The following CLMN variants were observed in gnomAD, a reference collection of about 807,000 sequenced individuals.
CLMN encodes the protein calmin (calponin-like, transmembrane).
Under a neutral mutation model 92.7 loss-of-function variants are expected in CLMN, and 57 were observed. The observed-to-expected ratio is 0.61, with a 90% CI of 0.50 to 0.77. CLMN has a LOEUF of 0.77. Among genes scored for constraint, CLMN ranks in the 30% least tolerant of loss-of-function variants. The probability of loss-of-function intolerance (pLI) is 0.00; values close to 1 mark genes in which losing one functional copy is unlikely to be tolerated. For synonymous variants in CLMN, 466 were observed against 470.6 expected, an observed-to-expected ratio of 0.99 and a Z score of 0.13; for missense variants, 1,158 against 1,237.5, an observed-to-expected ratio of 0.94 and a Z score of 0.96.
intron 1 of CLMN, among the ~76,000 whole-genome samples, chr14:95,258,036 T>A (rs1352602707): frequency 6.6e-6 from 1 of 150,854 alleles, no homozygotes; most frequent in African/African-American, 2.4e-5. Flanking sequence ...ATGAGTGTGG[T>A]GCGAGTGTGC....
At chr14:95,193,521 G>T in intron 12 of CLMN, 1 of 760,200 alleles carries the variant, frequency 1.3e-6, no homozygotes, top group Non-Finnish European at 2.1e-6. Context: ...CCGTCCCTTT[G>T]CTAACTACCC....
In CLMN at chr14:95,224,443, C is replaced by G. The variant is rs529753559; in HGVS notation, c.145-588G>C. On this transcript the variant is annotated intron_variant, in intron 2 of 12. Coordinates refer to ENST00000298912, the MANE Select transcript of CLMN (RefSeq NM_024734.4). ...GATTACAGGCAGCTGCCAGCATGAC[C>G]GGCTAATTTTTGTGGTTTTAGTAGA... 4.6e-5 allele frequency among the ~76,000 whole-genome samples: 7 copies of G among 152,140 alleles called. No homozygotes were observed. The East Asian group carries it at 7.7e-4, about 17-fold the overall frequency.
At chr14:95,245,225 T>TATATATATAATA (rs1491192837) in intron 1 of CLMN, among the ~76,000 whole-genome samples, 19 of 24,340 alleles carry the variant, frequency 7.8e-4, no homozygotes, top group African/African-American at 5.1e-3. Context: ...TATATATATA[T>TATATATATAATA]TATATATATA....
chr14:95,209,103 A>G (rs918963670), intron 8 of CLMN, among the ~76,000 whole-genome samples: 1 of 152,230 alleles, frequency 6.6e-6, no homozygotes, highest in Admixed American at 6.5e-5. Context: ...TATTAATTAA[A>G]CTTTATCATA....
intron 8 of CLMN, among the ~76,000 whole-genome samples, chr14:95,204,675 A>T (rs1349141376): frequency 6.6e-6 from 1 of 152,202 alleles, no homozygotes; most frequent in Non-Finnish European, 1.5e-5. Context: ...GTTCCTGCTG[A>T]AATATGAAAA....
At chr14:95,234,721 A>C (rs903608009) in intron 1 of CLMN, among the ~76,000 whole-genome samples, 2 of 152,224 alleles carry the variant, frequency 1.3e-5, no homozygotes, top group African/African-American at 4.8e-5. Context: ...GCTCAGCCGC[A>C]CCAGCCCAAA....
In CLMN at chr14:95,202,687, A is replaced by G. The variant is rs1896917432; in HGVS notation, c.2511+151T>C. On this transcript the variant is annotated intron_variant, in intron 9 of 12. Transcript: ENST00000298912. Reference sequence around the variant, plus strand: ...CCAACCCTGCATTTGCCCGAGCCTCACAGTAGGTGCCTCTTTGAATTTTGC... The same window carrying G: ...CCAACCCTGCATTTGCCCGAGCCTCGCAGTAGGTGCCTCTTTGAATTTTGC... 4 of 795,602 alleles carry G rather than the reference A, an allele frequency of 5.0e-6. No individual in the cohort carries two copies. The Admixed American group carries it at 1.0e-4, about 20-fold the overall frequency. 49.3% of individuals were successfully genotyped at this position (795,602 alleles called of 1,614,324 possible). A position where few individuals can be genotyped will look rare whatever the true frequency, so the allele number is the denominator to read the frequency against.
chr14:95,318,567 A>G (rs74079811), intron 1 of CLMN, among the ~76,000 whole-genome samples: 9,050 of 151,958 alleles, frequency 0.06, 857 homozygotes, highest in East Asian at 0.45. Context: ...GGGGCTCCCT[A>G]CCCTATAACA....
rs1900733280 is a variant in CLMN at position 95,294,625 on chromosome 14, G to A, written c.82+25086C>T. On this transcript the variant is annotated intron_variant, in intron 1 of 12. Coordinates refer to ENST00000298912, the MANE Select transcript of CLMN (RefSeq NM_024734.4). This position sits in a 1 kb window ranked among gnomAD's most constrained non-coding sequence, Gnocchi z 4.2. ...AAGGGCACTTATTTTCAGGTGTGAT[G>A]GTGAGGATTAGGATAAATCCCTGTG... is the stretch of plus-strand genomic sequence containing the variant. Among the ~76,000 whole-genome samples the A allele has an allele frequency of 6.6e-6, 1 of 152,178 alleles. No homozygotes were observed. The highest frequency in any genetic ancestry group is 2.1e-4 in the South Asian group (1 of 4,822).
At chr14:95,264,982 C>T (rs1357352818) in intron 1 of CLMN, among the ~76,000 whole-genome samples, 2 of 151,544 alleles carry the variant, frequency 1.3e-5, no homozygotes, top group South Asian at 2.1e-4. Flanking sequence ...TGCAGTGGCT[C>T]ATGTCTATAA....
intron 6 of CLMN, 23 bp from the exon 7 acceptor site, chr14:95,210,902 G>A (rs373052452): frequency 1.3e-5 from 20 of 1,492,140 alleles, no homozygotes; most frequent in African/African-American, 1.0e-4. Flanking sequence ...CAGCAGCGGC[G>A]GCCAGGATGC....
At chr14:95,224,114 G>A (rs1429988623) in intron 2 of CLMN, among the ~76,000 whole-genome samples, 1 of 152,208 alleles carries the variant, frequency 6.6e-6, no homozygotes, top group Non-Finnish European at 1.5e-5. Context: ...GCCCTTGGGG[G>A]CCCTTCAAAC....
rs192473349 is a variant in CLMN at position 95,235,862 on chromosome 14, C to T, written c.83-5729G>A. Among the ~76,000 whole-genome samples, 253 of 152,240 alleles carry T rather than the reference C, an allele frequency of 1.7e-3. 1 individual carries two copies. Among genetic ancestry groups the T allele is most frequent in the African/African-American group, 5.9e-3 (246 of 41,538 alleles). On this transcript the variant is annotated intron_variant, in intron 1 of 12. Coordinates refer to ENST00000298912, the MANE Select transcript of CLMN (RefSeq NM_024734.4). ...ACGTGGCTTCATCTCTACACGCGCT[C>T]GCCCAGACGTTCGGGCATGCAGGAG...
chr14:95,198,126 T>G (rs1896776221), intron 9 of CLMN, among the ~76,000 whole-genome samples: 1 of 144,652 alleles, frequency 6.9e-6, no homozygotes. Context: ...CTTGGCTCAC[T>G]GCAACCTCTA....
intron 1 of CLMN, among the ~76,000 whole-genome samples, chr14:95,242,913 C>T (rs1164733077): frequency 1.3e-5 from 2 of 152,204 alleles, no homozygotes; most frequent in African/African-American, 2.4e-5. Context: ...GACACTGAGC[C>T]AGGGCTGAGA....
intron 1 of CLMN, among the ~76,000 whole-genome samples, chr14:95,275,585 A>G (rs1899894512): frequency 6.6e-6 from 1 of 152,222 alleles, no homozygotes; most frequent in Non-Finnish European, 1.5e-5. Flanking sequence ...TCTTTAGCAT[A>G]TAATCAAGAA....
At chr14:95,229,072 T>C (rs1897800883) in intron 2 of CLMN, among the ~76,000 whole-genome samples, 1 of 152,178 alleles carries the variant, frequency 6.6e-6, no homozygotes, top group African/African-American at 2.4e-5. Flanking sequence ...ACTTGCTGGA[T>C]ATAGATGGAG....
chr14:95,207,526 T>G (rs1897078805), intron 8 of CLMN, among the ~76,000 whole-genome samples: 1 of 152,242 alleles, frequency 6.6e-6, no homozygotes. Context: ...TCACTAAACA[T>G]CCACTGTTGT....
chr14:95,274,023 G>A (rs138089388), intron 1 of CLMN, among the ~76,000 whole-genome samples: 34 of 152,248 alleles, frequency 2.2e-4, no homozygotes, highest in Admixed American at 6.5e-4. Context: ...AACAAAGAAC[G>A]GGTCCTTTAC....
Sources: gnomAD v4.1 joint callset for allele counts (sites outside exome capture counted in the v4.1 genomes callset) on GRCh38, gnomAD v4.1.1 for gene constraint, Gnocchi (gnomAD v3.1) non-coding constraint, MANE v1.5 for transcripts, NCBI Gene and HGNC (gene_info 2026-07-23, HGNC 2026-07-21) for gene names.